The following GARIN2 variants were observed in gnomAD, a reference collection of about 807,000 sequenced individuals.
GARIN2 encodes Golgi-associated RAB2 interactor protein 2.
At chr14:67,225,997 A>G in the GARIN2 span, among the ~76,000 whole-genome samples, 21 of 148,796 alleles carry the variant, frequency 1.4e-4, no homozygotes, top group Admixed American at 8.7e-4. Context: ...GTGCATGCTC[A>G]TAAGGGCTGA....
chr14:67,221,893 A>G, the GARIN2 span: 116,293 of 1,531,814 alleles, frequency 0.076, 13,783 homozygotes, highest in East Asian at 0.42. Flanking sequence ...AGTGTGGCTA[A>G]GAGCAAAGGA....
the GARIN2 span, among the ~76,000 whole-genome samples, chr14:67,225,926 AGTGTGT>A: frequency 0.012 from 1,654 of 136,716 alleles, 30 homozygotes; most frequent in African/African-American, 0.04. Context: ...TAATGCTGTG[AGTGTGT>A]GTGTGTGTGT....
chr14:67,199,474 A>G, the GARIN2 span: 154 of 1,612,810 alleles, frequency 9.5e-5, no homozygotes, highest in Non-Finnish European at 1.3e-4. Context: ...ACCCTGACAC[A>G]GGCAACTCCA....
the GARIN2 span, among the ~76,000 whole-genome samples, chr14:67,190,227 C>CTTTT: frequency 1.6e-5 from 2 of 123,556 alleles, no homozygotes; most frequent in African/African-American, 5.8e-5. Flanking sequence ...TTGTTCTTTT[C>CTTTT]TTTTTTTTTT....
chr14:67,207,233 T>C, the GARIN2 span, among the ~76,000 whole-genome samples: 2 of 151,510 alleles, frequency 1.3e-5, no homozygotes, highest in Non-Finnish European at 2.9e-5. Flanking sequence ...CTGTAGGTGG[T>C]AAAGGAAGCA....
chr14:67,190,640 A>G, the GARIN2 span, among the ~76,000 whole-genome samples: 1 of 152,206 alleles, frequency 6.6e-6, no homozygotes, highest in African/African-American at 2.4e-5. Flanking sequence ...TAATTACTCA[A>G]ATATTTCAAA....
chr14:67,202,260 G>A, the GARIN2 span, among the ~76,000 whole-genome samples: 1 of 152,148 alleles, frequency 6.6e-6, no homozygotes, highest in Non-Finnish European at 1.5e-5. Flanking sequence ...CACCAACATG[G>A]TGAAGCCCCG....
chr14:67,198,447 A>C, the GARIN2 span: 1 of 885,794 alleles, frequency 1.1e-6, no homozygotes, highest in East Asian at 2.5e-5. Flanking sequence ...ACAAAAGAGA[A>C]CAGTTTGGGA....
the GARIN2 span, among the ~76,000 whole-genome samples, chr14:67,192,948 CTCTA>C: frequency 7.0e-6 from 1 of 143,754 alleles, no homozygotes; most frequent in African/African-American, 2.5e-5. Context: ...AGATAAATAT[CTCTA>C]TATATCTATA....
chr14:67,200,200 C>A, the GARIN2 span: 1 of 1,127,794 alleles, frequency 8.9e-7, no homozygotes, highest in Non-Finnish European at 1.2e-6. Context: ...TCCACTGATG[C>A]CCCCCATGGA....
the GARIN2 span, among the ~76,000 whole-genome samples, chr14:67,221,203 C>T: frequency 6.6e-6 from 1 of 152,132 alleles, no homozygotes; most frequent in South Asian, 2.1e-4. Flanking sequence ...TTCTTTTATC[C>T]AACAACCATA....
At chr14:67,195,049 G>A in the GARIN2 span, among the ~76,000 whole-genome samples, 1 of 152,170 alleles carries the variant, frequency 6.6e-6, no homozygotes, top group Non-Finnish European at 1.5e-5. Flanking sequence ...GTGGGGTGAG[G>A]GGTGTAGTGC....
At chr14:67,194,211 T>C in the GARIN2 span, among the ~76,000 whole-genome samples, 1 of 150,350 alleles carries the variant, frequency 6.7e-6, no homozygotes, top group East Asian at 2.0e-4. Context: ...AAAAAATACA[T>C]AAATTAGCCA....
At chr14:67,203,135 C>T in the GARIN2 span, 7 of 1,613,824 alleles carry the variant, frequency 4.3e-6, no homozygotes, top group Non-Finnish European at 5.9e-6. Context: ...ATAACCGAGC[C>T]AACTGGGTGA....
chr14:67,221,816 C>T, the GARIN2 span: 10 of 1,612,578 alleles, frequency 6.2e-6, no homozygotes, highest in African/African-American at 2.7e-5. Flanking sequence ...AGGTATGGAA[C>T]AAATTCCACT....
At chr14:67,196,223 C>CTTTTTTTTTTTTTTTTTTTTTTT in the GARIN2 span, among the ~76,000 whole-genome samples, 1 of 143,118 alleles carries the variant, frequency 7.0e-6, no homozygotes, top group Non-Finnish European at 1.5e-5. Flanking sequence ...TTCTTTCTTT[C>CTTTTTTTTTTTTTTTTTTTTTTT]TTTTTTTTTT....
At chr14:67,199,869 T>A in the GARIN2 span, 42 of 1,493,370 alleles carry the variant, frequency 2.8e-5, no homozygotes, top group Middle Eastern at 2.1e-4. Flanking sequence ...CTCCTGGGGC[T>A]GCAGGACATG....
At chr14:67,204,550 CAGTT>C in the GARIN2 span, 2 of 1,612,864 alleles carry the variant, frequency 1.2e-6, no homozygotes, top group South Asian at 2.2e-5. Context: ...TCTCCCTCTG[CAGTT>C]TGTGACTCTT....
At chr14:67,228,372 A>G in the GARIN2 span, 1,895 of 500,652 alleles carry the variant, frequency 3.8e-3, 37 homozygotes, top group African/African-American at 0.036. Context: ...AACACTAAAA[A>G]TATTCTCTAT....
Sources: gnomAD v4.1 joint callset for allele counts (sites outside exome capture counted in the v4.1 genomes callset) on GRCh38, gnomAD v4.1.1 for gene constraint, MANE v1.5 for transcripts, NCBI Gene and HGNC (gene_info 2026-07-23, HGNC 2026-07-21) for gene names.